RHD: variants seen among roughly 807,000 people sequenced by gnomAD.
RHD encodes the protein Rh blood group D antigen.
A neutral mutation model predicts 45.5 loss-of-function variants in RHD; 16 were observed. The ratio of observed to expected loss-of-function variants is 0.35; its 90% CI spans 0.24 to 0.53. RHD has a LOEUF of 0.53. Among genes scored for constraint, RHD ranks in the 20% least tolerant of loss-of-function variants. The probability of loss-of-function intolerance (pLI) is 0.92; values close to 1 mark genes in which losing one functional copy is unlikely to be tolerated. For synonymous variants in RHD, 131 were observed against 217.5 expected (o/e 0.60, Z 3.50); for missense variants, 306 against 532.0 (o/e 0.58, Z 4.18).
chr1:25,321,349 CAAA>C (rs569995563), intron 8 of RHD, among the ~76,000 whole-genome samples: 2 of 87,144 alleles, frequency 2.3e-5, no homozygotes, highest in African/African-American at 3.7e-5. Flanking sequence ...TTCTTTTTTT[CAAA>C]AAAAAAAAAA....
Position 25,290,634 on chromosome 1 carries a change from C to G in RHD, c.336-7C>G, listed in dbSNP as rs1169569185. 7.3e-7 allele frequency: 1 copy of G among 1,375,116 alleles called. No individual in the cohort carries two copies. The highest frequency in any genetic ancestry group is 1.8e-5 in the Admixed American group (1 of 56,042). The allele number at this position is 1,375,116 out of a possible 1,614,324, so 85.2% of individuals were successfully genotyped here. The stretch of plus-strand genomic sequence containing the variant: ...TCAGTCGTCCTGGCTCTCCCTCTCT[C>G]CCCCAGTATTCGGCTGGCCACCATG... On this transcript the variant is annotated splice_polypyrimidine_tract_variant and splice_region_variant and intron_variant, in intron 2 of 9. Coordinates refer to ENST00000328664, the MANE Select transcript of RHD (RefSeq NM_016124.6).
At chr1:25,283,149 C>T (rs1340880277) in intron 1 of RHD, among the ~76,000 whole-genome samples, 1 of 131,808 alleles carries the variant, frequency 7.6e-6, no homozygotes, top group African/African-American at 2.6e-5. Flanking sequence ...ATGATCATTT[C>T]CCCTATTTAA....
At chr1:25,285,904 G>T (rs1202699123) in intron 2 of RHD, among the ~76,000 whole-genome samples, 1 of 134,342 alleles carries the variant, frequency 7.4e-6, no homozygotes, top group African/African-American at 2.6e-5. Flanking sequence ...AAACCTCTGG[G>T]CACTGCTGTT....
chr1:25,301,095 T>C lies in RHD; in HGVS notation c.634+2T>C. 7.3e-7 allele frequency: 1 copy of C among 1,375,150 alleles called. No homozygotes were observed. Among genetic ancestry groups the C allele is most frequent in the Non-Finnish European group, 1.0e-6 (1 of 977,552 alleles). 85.2% of individuals were successfully genotyped at this position (1,375,150 alleles called of 1,614,324 possible). On this transcript the variant is annotated splice_donor_variant, in intron 4 of 9. Transcript: ENST00000328664. LOFTEE classifies it high-confidence loss of function. ...TACCCAGTTTGTCTGCCATGCTGGG[T>C]AAGGACAAGGTGGGGTGAGTGGTCT...
intron 7 of RHD, among the ~76,000 whole-genome samples, chr1:25,314,345 T>A (rs1475254374): frequency 7.5e-6 from 1 of 133,222 alleles, no homozygotes; most frequent in African/African-American, 2.6e-5. Flanking sequence ...TTAATATGCT[T>A]TTTGGACAGT....
At chr1:25,291,330 A>C (rs1340129696) in intron 3 of RHD, among the ~76,000 whole-genome samples, 1 of 129,562 alleles carries the variant, frequency 7.7e-6, no homozygotes, top group East Asian at 2.0e-4. Context: ...TTAGCTGGGC[A>C]TGGTGGCAGG....
Position 25,308,456 on chromosome 1 carries a change from A to C in RHD, c.1073+1727A>C, listed in dbSNP as rs2124698109. On this transcript the variant is annotated intron_variant, in intron 7 of 9. Coordinates refer to ENST00000328664, the MANE Select transcript of RHD (RefSeq NM_016124.6). ...TCAAGTTTTAGAACCACTGACCTAT[A>C]GCCAAAAAAGAAAAAGCCAATCAGT... Among the ~76,000 whole-genome samples the C allele has an allele frequency of 1.5e-5, 2 of 129,390 alleles. 1 individual carries two copies. The highest frequency in any genetic ancestry group is 3.9e-4 in the East Asian group (2 of 5,100). 84.9% of individuals were successfully genotyped at this position (129,390 alleles called of 152,430 possible).
At chr1:25,288,712 A>T (rs1642248810) in intron 2 of RHD, among the ~76,000 whole-genome samples, 1 of 127,098 alleles carries the variant, frequency 7.9e-6, no homozygotes, top group African/African-American at 2.7e-5. Context: ...ATTCCAGCCC[A>T]GGCAGCCTAG....
chr1:25,290,855 T>C lies in RHD; in HGVS notation c.486+64T>C, dbSNP rs552883970. 199 of 1,335,184 alleles carry C rather than the reference T, an allele frequency of 1.5e-4. 25 individuals are homozygous for C. The highest frequency in any genetic ancestry group is 1.1e-3 in the Admixed American group (62 of 55,800). 82.7% of individuals were successfully genotyped at this position (1,335,184 alleles called of 1,614,324 possible). A position where few individuals can be genotyped will look rare whatever the true frequency, so the allele number is the denominator to read the frequency against. ...GGGCCAAAAGCTCCATTTGGTGGGG[T>C]TTCCAGGGTTTTGAAAAATAAAGAC... On this transcript the variant is annotated intron_variant, in intron 3 of 9. Coordinates refer to ENST00000328664, the MANE Select transcript of RHD (RefSeq NM_016124.6).
At chr1:25,315,531 G>C (rs28457188) in intron 7 of RHD, among the ~76,000 whole-genome samples, 8 of 112,040 alleles carry the variant, frequency 7.1e-5, no homozygotes, top group South Asian at 5.3e-4. Flanking sequence ...GAGTCTCGCT[G>C]TGTTGCCCAG....
intron 8 of RHD, among the ~76,000 whole-genome samples, chr1:25,320,261 C>T (rs1171688346): frequency 1.5e-5 from 2 of 132,102 alleles, no homozygotes; most frequent in African/African-American, 5.2e-5. Flanking sequence ...ATTAGAACAA[C>T]AACCCTCCAC....
At position 25,295,733 on chromosome 1, in the gene RHD, G is replaced by A. The variant is rs1368372893; in HGVS notation, c.486+4942G>A. On this transcript the variant is annotated intron_variant, in intron 3 of 9. Coordinates refer to ENST00000328664, the MANE Select transcript of RHD (RefSeq NM_016124.6). ...GGCTGACATCATCAGTGACCAAGAGGCGGCCGGGAGGCTGAGACCACAGCA... is the reference window on the plus strand; with the variant it reads ...GGCTGACATCATCAGTGACCAAGAGACGGCCGGGAGGCTGAGACCACAGCA... Among the ~76,000 whole-genome samples, 6 of 108,872 alleles carry A rather than the reference G, an allele frequency of 5.5e-5. 2 individuals are homozygous for A. The highest frequency in any genetic ancestry group is 1.1e-4 in the Non-Finnish European group (5 of 45,160). 71.4% of individuals were successfully genotyped at this position (108,872 alleles called of 152,430 possible).
rs1345386079 is a variant in RHD at position 25,329,624 on chromosome 1, A to T, written c.*700A>T. ...GCAATCATGTGCTTCATAGAAACTT[A>T]ATTAGATTATACCACTAGAGTCTTC... is the stretch of plus-strand genomic sequence containing the variant. On this transcript the variant is annotated 3_prime_UTR_variant, in exon 10 of 10. Coordinates refer to ENST00000328664, the MANE Select transcript of RHD (RefSeq NM_016124.6). The T allele has an allele frequency of 3.7e-5, 5 of 136,726 alleles. No individual in the cohort carries two copies. Among genetic ancestry groups the T allele is most frequent in the Admixed American group, 3.4e-4 (5 of 14,906 alleles). 8.5% of individuals were successfully genotyped at this position (136,726 alleles called of 1,614,324 possible). A position where few individuals can be genotyped will look rare whatever the true frequency, so the allele number is the denominator to read the frequency against.
At chr1:25,319,869 G>A (rs183348449) in intron 8 of RHD, among the ~76,000 whole-genome samples, 7 of 131,932 alleles carry the variant, frequency 5.3e-5, no homozygotes, top group African/African-American at 1.8e-4. Flanking sequence ...AGAAGTGAAA[G>A]CAAAGAGCCT....
At chr1:25,281,457 A>T (rs1286858428) in intron 1 of RHD, among the ~76,000 whole-genome samples, 2 of 132,276 alleles carry the variant, frequency 1.5e-5, no homozygotes, top group African/African-American at 5.2e-5. Context: ...ACAAAATGGC[A>T]GATGCACTTT....
rs1644562251 is a variant in RHD, at chr1:25,319,069, T to A, written c.1153+1990T>A. Among the ~76,000 whole-genome samples the A allele has an allele frequency of 1.5e-5, 2 of 132,326 alleles. 1 individual carries two copies. Among genetic ancestry groups the A allele is most frequent in the Non-Finnish European group, 3.6e-5 (2 of 55,794 alleles). The allele number at this position is 132,326 out of a possible 152,430, so 86.8% of individuals were successfully genotyped here. On this transcript the variant is annotated intron_variant, in intron 8 of 9. Coordinates refer to ENST00000328664, the MANE Select transcript of RHD (RefSeq NM_016124.6). The stretch of plus-strand genomic sequence containing the variant: ...TAGCAAAAATGCAAGGTGTCTGTTT[T>A]TAAATTTGAAATGAATTGGGTATCC...
intron 2 of RHD, among the ~76,000 whole-genome samples, 191 bp from the exon 3 acceptor site, chr1:25,290,450 G>C (rs543577612): frequency 7.8e-6 from 1 of 128,092 alleles, no homozygotes; most frequent in Admixed American, 7.7e-5. Flanking sequence ...CCACCTTAAC[G>C]GGAGAAGAGA....
chr1:25,283,421 C>T (rs1442632159), intron 1 of RHD, among the ~76,000 whole-genome samples: 4 of 131,038 alleles, frequency 3.1e-5, no homozygotes, highest in African/African-American at 1.0e-4. Flanking sequence ...ATCCCAGCTA[C>T]TTGGGAGGCT....
intron 5 of RHD, among the ~76,000 whole-genome samples, chr1:25,302,759 A>G (rs2124679458): frequency 7.6e-6 from 1 of 131,362 alleles, no homozygotes; most frequent in Non-Finnish European, 1.8e-5. Flanking sequence ...GCATTTATTC[A>G]TGTTCTATGC....
Sources: allele counts gnomAD v4.1 joint callset (sites outside exome capture counted in the v4.1 genomes callset), GRCh38; gene constraint gnomAD v4.1.1; transcripts MANE v1.5; gene names NCBI Gene and HGNC (gene_info 2026-07-23, HGNC 2026-07-21).